SLC35F1: variants seen among roughly 807,000 people sequenced by gnomAD.
The protein encoded by SLC35F1 is chromosome 6 open reading frame 169.
A neutral mutation model predicts 48.7 loss-of-function variants in SLC35F1; 14 were observed. The ratio of observed to expected loss-of-function variants is 0.29; its 90% CI spans 0.19 to 0.45. The LOEUF (loss-of-function observed/expected upper bound fraction) is 0.45, where lower values mean the gene tolerates loss of function less well. SLC35F1 is among the 20% of genes least tolerant of loss of function. The pLI, the probability that SLC35F1 is intolerant of heterozygous loss-of-function variation, is 1.00. For missense variants in SLC35F1, 404 were observed against 500.0 expected (o/e 0.81, Z 1.83); for synonymous variants, 190 against 202.2 (o/e 0.94, Z 0.51).
chr6:118,271,523 T>C (rs1338515251), intron 4 of SLC35F1, among the ~76,000 whole-genome samples: 3 of 152,180 alleles, frequency 2.0e-5, no homozygotes, highest in Non-Finnish European at 4.4e-5. Flanking sequence ...GGCAGATGTA[T>C]TCAATGGGAT....
intron 1 of SLC35F1, among the ~76,000 whole-genome samples, chr6:118,122,524 G>A (rs185412022): frequency 6.6e-6 from 1 of 152,342 alleles, no homozygotes; most frequent in East Asian, 1.9e-4. Context: ...TGGGAATCTG[G>A]AAAAGCTTGG....
intron 1 of SLC35F1, among the ~76,000 whole-genome samples, chr6:118,077,428 G>T (rs918748149): frequency 6.6e-6 from 1 of 152,218 alleles, no homozygotes; most frequent in Non-Finnish European, 1.5e-5. Context: ...AGAGAGACAG[G>T]GAAATACCCT....
At chr6:118,280,593 C>A (rs1562349201) in intron 6 of SLC35F1, among the ~76,000 whole-genome samples, 1 of 152,066 alleles carries the variant, frequency 6.6e-6, no homozygotes, top group Non-Finnish European at 1.5e-5. Context: ...ATACACCTTT[C>A]CTGGCCAGGT....
chr6:118,070,699 T>A (rs911196690), intron 1 of SLC35F1, among the ~76,000 whole-genome samples: 1 of 151,270 alleles, frequency 6.6e-6, no homozygotes. Flanking sequence ...TTCTTTTTTT[T>A]AAATTTTAGA....
intron 1 of SLC35F1, among the ~76,000 whole-genome samples, chr6:118,045,459 A>C (rs1772286602): frequency 6.6e-6 from 1 of 152,144 alleles, no homozygotes; most frequent in Non-Finnish European, 1.5e-5. Context: ...CTCTGAACTG[A>C]GCTGCTACAG....
At chr6:118,039,174 T>C (rs1477779193) in intron 1 of SLC35F1, among the ~76,000 whole-genome samples, 1 of 152,176 alleles carries the variant, frequency 6.6e-6, no homozygotes, top group Non-Finnish European at 1.5e-5. Context: ...GCTTTCAAGA[T>C]GTTGTCTTAC....
intron 1 of SLC35F1, among the ~76,000 whole-genome samples, chr6:118,032,257 G>C (rs1406804190): frequency 6.6e-6 from 1 of 151,996 alleles, no homozygotes; most frequent in Non-Finnish European, 1.5e-5. Context: ...TTTTTTTAAA[G>C]CAGAAAAAAT....
chr6:118,030,948 A>T (rs528628407), intron 1 of SLC35F1, among the ~76,000 whole-genome samples: 1 of 152,170 alleles, frequency 6.6e-6, no homozygotes, highest in East Asian at 1.9e-4. Flanking sequence ...TTTGGAATTT[A>T]TTTTTTTAAT....
At chr6:117,975,643 T>C (rs1776696049) in intron 1 of SLC35F1, among the ~76,000 whole-genome samples, 1 of 152,228 alleles carries the variant, frequency 6.6e-6, no homozygotes, top group Admixed American at 6.5e-5. Flanking sequence ...TTTATTTATT[T>C]ATTTTTGTAG....
chr6:118,145,968 C>T (rs1320177247), intron 1 of SLC35F1, among the ~76,000 whole-genome samples: 1 of 152,146 alleles, frequency 6.6e-6, no homozygotes, highest in Non-Finnish European at 1.5e-5. Flanking sequence ...GATTAAAACA[C>T]ATTTTTGTGT....
intron 4 of SLC35F1, among the ~76,000 whole-genome samples, chr6:118,273,482 A>T (rs1294870423): frequency 6.6e-6 from 1 of 152,172 alleles, no homozygotes; most frequent in Non-Finnish European, 1.5e-5. Flanking sequence ...TCATCACAAG[A>T]TTCTAAAATG....
At chr6:117,990,507 G>A (rs920367273) in intron 1 of SLC35F1, among the ~76,000 whole-genome samples, 3 of 152,114 alleles carry the variant, frequency 2.0e-5, no homozygotes, top group African/African-American at 7.2e-5. Flanking sequence ...GAAGAAATAG[G>A]ACATTCTGTT....
chr6:118,236,252 A>T (rs1487990899), intron 3 of SLC35F1, among the ~76,000 whole-genome samples: 1 of 152,186 alleles, frequency 6.6e-6, no homozygotes, highest in Non-Finnish European at 1.5e-5. Context: ...ATGAACACAC[A>T]CACACACAAT....
rs910186997 is a variant in SLC35F1, at chr6:118,301,172, A to T, written c.1003-12856A>T. Reference sequence around the variant, plus strand: ...TGCTTACTGCAGAGCCTGGCACAGTAGGTGTTTGGTAATTATTTTTTTAAT... The same window carrying T: ...TGCTTACTGCAGAGCCTGGCACAGTTGGTGTTTGGTAATTATTTTTTTAAT... On this transcript the variant is annotated intron_variant, in intron 7 of 7. Transcript: ENST00000360388. Among the ~76,000 whole-genome samples, 3 of 152,264 alleles carry T rather than the reference A, an allele frequency of 2.0e-5. No homozygotes were observed. In the South Asian group the frequency reaches 6.2e-4, roughly 32 times the overall value.
intron 1 of SLC35F1, among the ~76,000 whole-genome samples, chr6:117,914,259 TAAA>T (rs919023520): frequency 2.8e-5 from 4 of 141,706 alleles, no homozygotes; most frequent in South Asian, 4.5e-4. Flanking sequence ...CTCTGAGGAT[TAAA>T]AAAAAAAAAG....
At chr6:118,265,871 A>G (rs952056053) in intron 3 of SLC35F1, among the ~76,000 whole-genome samples, 7 of 152,188 alleles carry the variant, frequency 4.6e-5, no homozygotes, top group African/African-American at 1.7e-4. Flanking sequence ...GGTACAAGGA[A>G]CTTGCAGTTC....
rs1167876555 is a variant in SLC35F1, at chr6:117,934,696, TAAAC to T, written c.173+26798_173+26801del. 3.9e-5 allele frequency among the ~76,000 whole-genome samples: 6 copies of T among 152,334 alleles called. No homozygotes were observed. The East Asian group carries it at 1.2e-3, about 29-fold the overall frequency. ...ATTATATTTAATGGTTTCATATAAA[TAAAC>T]TCTTTTCTGATATTGTACAAAACAA... On this transcript the variant is annotated intron_variant, in intron 1 of 7. Coordinates refer to ENST00000360388, the MANE Select transcript of SLC35F1 (RefSeq NM_001029858.4).
chr6:118,308,353 A>C (rs1397310720), intron 7 of SLC35F1, among the ~76,000 whole-genome samples: 3 of 152,256 alleles, frequency 2.0e-5, no homozygotes, highest in Non-Finnish European at 2.9e-5. Flanking sequence ...TAAGCAGTAC[A>C]GTTTTCACAA....
At chr6:117,975,794 T>C (rs558150152) in intron 1 of SLC35F1, among the ~76,000 whole-genome samples, 1 of 152,344 alleles carries the variant, frequency 6.6e-6, no homozygotes, top group Non-Finnish European at 1.5e-5. Flanking sequence ...TCATCATTTT[T>C]ATTTTTCAAG....
Sources: allele counts gnomAD v4.1 joint callset (sites outside exome capture counted in the v4.1 genomes callset), GRCh38; gene constraint gnomAD v4.1.1; transcripts MANE v1.5; gene names NCBI Gene and HGNC (gene_info 2026-07-23, HGNC 2026-07-21).